SPACA7: variants seen among roughly 807,000 people sequenced by gnomAD.
SPACA7 encodes the protein sperm acrosome associated 7.
Under a neutral mutation model 26.3 loss-of-function variants are expected in SPACA7, and 19 were observed. The ratio of observed to expected loss-of-function variants is 0.72; its 90% CI spans 0.50 to 1.06. The LOEUF (loss-of-function observed/expected upper bound fraction) is 1.06, where lower values mean the gene tolerates loss of function less well. Ranked by LOEUF, SPACA7 falls within the 50% of genes least tolerant of loss-of-function variation. The pLI, the probability that SPACA7 is intolerant of heterozygous loss-of-function variation, is 0.00. For synonymous variants in SPACA7, 84 were observed against 84.5 expected, an observed-to-expected ratio of 0.99 and a Z score of 0.04; for missense variants, 211 against 229.9, an observed-to-expected ratio of 0.92 and a Z score of 0.53.
chr13:112,425,640 GAC>G (rs1188876825), intron 5 of SPACA7, among the ~76,000 whole-genome samples: 1 of 138,802 alleles, frequency 7.2e-6, no homozygotes, highest in Admixed American at 7.2e-5. Context: ...GACAGAGAGA[GAC>G]AGAGAGAGAG....
At chr13:112,385,493 A>C (rs1884466331) in intron 1 of SPACA7, among the ~76,000 whole-genome samples, 1 of 152,200 alleles carries the variant, frequency 6.6e-6, no homozygotes, top group Admixed American at 6.5e-5. Flanking sequence ...ACACAAATGA[A>C]GATAAGGTCT....
At chr13:112,396,022 G>T (rs1008649782) in intron 2 of SPACA7, among the ~76,000 whole-genome samples, 29 of 143,250 alleles carry the variant, frequency 2.0e-4, no homozygotes, top group Non-Finnish European at 3.8e-4. Context: ...TCGGCCCCCC[G>T]CCTCTCTTTG....
intron 5 of SPACA7, among the ~76,000 whole-genome samples, chr13:112,406,720 T>C (rs1886011030): frequency 6.6e-6 from 1 of 152,236 alleles, no homozygotes; most frequent in Admixed American, 6.5e-5. Context: ...ATTTACATTA[T>C]GGATGTGACT....
chr13:112,425,995 T>G (rs1437287309), intron 5 of SPACA7, among the ~76,000 whole-genome samples: 1 of 152,222 alleles, frequency 6.6e-6, no homozygotes, highest in African/African-American at 2.4e-5. Flanking sequence ...ATATGTTTAG[T>G]CACTACTGGT....
At chr13:112,392,619 A>G (rs9577734) in intron 1 of SPACA7, among the ~76,000 whole-genome samples, 19,691 of 152,088 alleles carry the variant, frequency 0.13, 3,163 homozygotes, top group African/African-American at 0.37. Flanking sequence ...GGAGGTCCAA[A>G]TGCTGCTTTC....
At chr13:112,403,220 T>G (rs1164908233) in intron 5 of SPACA7, among the ~76,000 whole-genome samples, 1 of 152,188 alleles carries the variant, frequency 6.6e-6, no homozygotes, top group Non-Finnish European at 1.5e-5. Flanking sequence ...TATATTTCCC[T>G]AGGAAGTTAT....
intron 4 of SPACA7, among the ~76,000 whole-genome samples, chr13:112,400,667 C>A (rs1007617069): frequency 2.6e-5 from 4 of 152,216 alleles, no homozygotes; most frequent in Non-Finnish European, 5.9e-5. Flanking sequence ...GCAAATCCTC[C>A]TTTCCTGCCC....
intron 5 of SPACA7, among the ~76,000 whole-genome samples, chr13:112,417,765 G>C (rs979187929): frequency 1.3e-5 from 2 of 152,086 alleles, no homozygotes; most frequent in Admixed American, 1.3e-4. Context: ...TCAATATTAG[G>C]CTTTTTCTAG....
intron 1 of SPACA7, among the ~76,000 whole-genome samples, chr13:112,388,628 T>C (rs1294182969): frequency 6.6e-6 from 1 of 152,140 alleles, no homozygotes; most frequent in Non-Finnish European, 1.5e-5. Context: ...GCCCCCAAAT[T>C]TGTAACCACC....
At chr13:112,410,803 T>A (rs1210017674) in intron 5 of SPACA7, among the ~76,000 whole-genome samples, 2 of 152,182 alleles carry the variant, frequency 1.3e-5, no homozygotes, top group African/African-American at 4.8e-5. Context: ...CTTCTGGGTA[T>A]ACACCCAAAA....
intron 5 of SPACA7, among the ~76,000 whole-genome samples, chr13:112,404,821 CT>C (rs1885870355): frequency 6.6e-6 from 1 of 152,044 alleles, no homozygotes; most frequent in African/African-American, 2.4e-5. Context: ...TGACTATAGC[CT>C]TATAGTATAG....
chr13:112,395,062 C>T (rs1162000540), intron 2 of SPACA7, among the ~76,000 whole-genome samples: 1 of 152,182 alleles, frequency 6.6e-6, no homozygotes, highest in African/African-American at 2.4e-5. Context: ...TGTGGGAGGG[C>T]AGTCACCACC....
chr13:112,392,109 C>T (rs1276423187), intron 1 of SPACA7, among the ~76,000 whole-genome samples: 2 of 152,190 alleles, frequency 1.3e-5, no homozygotes, highest in African/African-American at 4.8e-5. Flanking sequence ...CTGAGCCCAA[C>T]CTCGGGGCTG....
At chr13:112,382,449 A>G in intron 1 of SPACA7, 2 of 1,550,172 alleles carry the variant, frequency 1.3e-6, no homozygotes, top group South Asian at 2.4e-5. Flanking sequence ...AAAGGCTGTC[A>G]ATGCTCTGGC....
At chr13:112,427,208 C>T (rs1053077783) in intron 5 of SPACA7, among the ~76,000 whole-genome samples, 3 of 152,146 alleles carry the variant, frequency 2.0e-5, no homozygotes, top group Non-Finnish European at 2.9e-5. Flanking sequence ...CTCTGTTCCT[C>T]GAGCCTGCCA....
intron 5 of SPACA7, among the ~76,000 whole-genome samples, chr13:112,408,997 A>T (rs1399120744): frequency 2.0e-5 from 3 of 152,124 alleles, no homozygotes; most frequent in African/African-American, 7.2e-5. Flanking sequence ...AAACAGCATG[A>T]TACTGGTACC....
chr13:112,428,204 TTG>T (rs1278423962), intron 5 of SPACA7, among the ~76,000 whole-genome samples: 1 of 152,230 alleles, frequency 6.6e-6, no homozygotes, highest in Non-Finnish European at 1.5e-5. Context: ...TTCCAATATG[TTG>T]TGTTTTTATT....
chr13:112,407,540 C>A (rs1886066133), intron 5 of SPACA7, among the ~76,000 whole-genome samples: 1 of 152,060 alleles, frequency 6.6e-6, no homozygotes, highest in African/African-American at 2.4e-5. Flanking sequence ...GGGGATATCA[C>A]CACCGATACC....
At chr13:112,419,062 T>C (rs1262733684) in intron 5 of SPACA7, among the ~76,000 whole-genome samples, 1 of 151,644 alleles carries the variant, frequency 6.6e-6, no homozygotes, top group African/African-American at 2.4e-5. Flanking sequence ...ACTCTCACCC[T>C]AATAATAAAA....
Sources: gnomAD v4.1 joint callset for allele counts (sites outside exome capture counted in the v4.1 genomes callset) on GRCh38, gnomAD v4.1.1 for gene constraint, MANE v1.5 for transcripts, NCBI Gene and HGNC (gene_info 2026-07-23, HGNC 2026-07-21) for gene names.